The following CUX1 variants were observed in gnomAD, a reference collection of about 807,000 sequenced individuals.
CUX1 encodes protein CASP.
CUX1 carries 31 observed loss-of-function variants against 158.8 expected under a neutral mutation model. That is an observed-to-expected ratio of 0.20 (90% CI 0.15 to 0.26). The LOEUF (loss-of-function observed/expected upper bound fraction) is 0.26. Among genes scored for constraint, CUX1 ranks in the 10% least tolerant of loss-of-function variants. The pLI is 1.00. For missense variants in CUX1, 1,589 were observed against 2,014.6 expected (o/e 0.79, Z 4.04); for synonymous variants, 879 against 862.1 (o/e 1.02, Z -0.34).
At chr7:102,171,453 T>C (rs1445781168) in intron 10 of CUX1, among the ~76,000 whole-genome samples, 1 of 151,202 alleles carries the variant, frequency 6.6e-6, no homozygotes, top group Non-Finnish European at 1.5e-5. Context: ...TTTTTTTTTT[T>C]CTTTTTTTTT....
chr7:101,971,402 C>A (rs1811936925), intron 2 of CUX1, among the ~76,000 whole-genome samples: 1 of 152,180 alleles, frequency 6.6e-6, no homozygotes, highest in South Asian at 2.1e-4. Context: ...AATCCCAGCA[C>A]TTTGGGAGAC....
intron 5 of CUX1, 49 bp downstream of exon 5, chr7:102,097,550 C>G: frequency 6.5e-7 from 1 of 1,535,850 alleles, no homozygotes. Context: ...TTTTTTTTCT[C>G]TTCTTTTTAT....
At chr7:101,868,514 C>T (rs1423058775) in intron 1 of CUX1, among the ~76,000 whole-genome samples, 1 of 152,202 alleles carries the variant, frequency 6.6e-6, no homozygotes, top group Non-Finnish European at 1.5e-5. Flanking sequence ...ATCTTACACA[C>T]TGAGGACAGG....
chr7:102,052,615 G>T (rs895625511), intron 3 of CUX1, among the ~76,000 whole-genome samples: 2 of 152,142 alleles, frequency 1.3e-5, no homozygotes, highest in African/African-American at 4.8e-5. Flanking sequence ...ATATACATAA[G>T]TTTTTGTGCA....
At position 102,198,852 on chromosome 7, in the gene CUX1, A is replaced by C; in HGVS notation, c.1945A>C (p.Arg649=). 1.9e-6 allele frequency: 3 copies of C among 1,614,216 alleles called. No individual in the cohort carries two copies. The highest frequency in any genetic ancestry group is 2.5e-6 in the Non-Finnish European group (3 of 1,180,024). The part of the protein sequence containing the change: ...NRLFQEVPKR[R]NGSEGNITTR... ...ACTATTTCAGGAAGTACCGAAACGAAGAAATGGGTCTGAAGGTATGTTGCA... is the reference window on the plus strand; with the variant it reads ...ACTATTTCAGGAAGTACCGAAACGACGAAATGGGTCTGAAGGTATGTTGCA... The change falls in exon 16 of 24, where the codon AGA becomes CGA. Residue 649 remains arginine (R), a synonymous_variant. Transcript: ENST00000292535.
chr7:101,958,751 A>G (rs1453083485), intron 2 of CUX1, among the ~76,000 whole-genome samples: 1 of 145,722 alleles, frequency 6.9e-6, no homozygotes, highest in African/African-American at 2.5e-5. Flanking sequence ...AAGTGCTGGG[A>G]TTACAGGCAT....
In CUX1 at chr7:102,250,044, A is replaced by C. The variant is rs781788463; in HGVS notation, c.*1002A>C. The C allele has an allele frequency of 1.0e-5, 10 of 974,782 alleles. No homozygotes were observed. Among genetic ancestry groups the C allele is most frequent in the African/African-American group, 5.5e-5 (3 of 54,444 alleles). 60.4% of individuals were successfully genotyped at this position (974,782 alleles called of 1,614,324 possible). On this transcript the variant is annotated 3_prime_UTR_variant, in exon 24 of 24. Transcript: ENST00000292535. ...ACTCCATTCTAGGCCAAATCAGGAC[A>C]AAAAAAAGAAAAAAAAAGAAAAAAA... is the stretch of plus-strand genomic sequence containing the variant.
intron 2 of CUX1, among the ~76,000 whole-genome samples, chr7:101,989,078 A>G (rs530370673): frequency 6.6e-6 from 1 of 152,058 alleles, no homozygotes; most frequent in Non-Finnish European, 1.5e-5. Context: ...TCCTCATTCC[A>G]TCAGATTCTG....
intron 2 of CUX1, among the ~76,000 whole-genome samples, chr7:101,959,238 AGTGTGT>A (rs55733311): frequency 0.087 from 12,634 of 145,708 alleles, 1,511 homozygotes; most frequent in African/African-American, 0.27. Context: ...ATGTGTGTGC[AGTGTGT>A]GTGTGTGTGT....
chr7:102,077,066 A>T (rs980070435), intron 4 of CUX1, among the ~76,000 whole-genome samples: 1 of 151,686 alleles, frequency 6.6e-6, no homozygotes, highest in Non-Finnish European at 1.5e-5. Context: ...AAAAAAGAAG[A>T]AGAAAAAGTA....
intron 1 of CUX1, among the ~76,000 whole-genome samples, chr7:101,888,466 A>T (rs1800503498): frequency 6.6e-6 from 1 of 152,194 alleles, no homozygotes; most frequent in African/African-American, 2.4e-5. Context: ...ATCCCTCTTA[A>T]TACATTGGTT....
intron 13 of CUX1, among the ~76,000 whole-genome samples, chr7:102,194,554 C>T (rs1351217300): frequency 1.3e-5 from 2 of 151,596 alleles, no homozygotes; most frequent in East Asian, 1.9e-4. Context: ...GAGCTATGAT[C>T]GCACCACTGC....
intron 8 of CUX1, among the ~76,000 whole-genome samples, chr7:102,129,271 C>T (rs1832967292): frequency 6.6e-6 from 1 of 152,176 alleles, no homozygotes; most frequent in Non-Finnish European, 1.5e-5. Flanking sequence ...TCCTCAGGGA[C>T]CCTAAATTTT....
At position 102,123,329 on chromosome 7, in the gene CUX1, G is replaced by A. The variant is rs1299506097; in HGVS notation, c.674+8056G>A. On this transcript the variant is annotated intron_variant, in intron 8 of 23. Transcript: ENST00000292535. The stretch of plus-strand genomic sequence containing the variant: ...ATCAGTTTTTAAAAAATTTTTATCG[G>A]CCGGGCGCAGTGGCTCATGCCTGTA... Among the ~76,000 whole-genome samples, 8 of 151,994 alleles carry A rather than the reference G, an allele frequency of 5.3e-5. No homozygotes were observed. The East Asian group carries it at 1.6e-3, about 29-fold the overall frequency.
Position 102,227,286 on chromosome 7 carries a change from A to G in CUX1, c.3131-81A>G, listed in dbSNP as rs1360033090. The G allele has an allele frequency of 1.1e-5, 14 of 1,240,406 alleles. No homozygotes were observed. In the East Asian group the frequency reaches 3.0e-4, roughly 27 times the overall value. The allele number at this position is 1,240,406 out of a possible 1,614,324, so 76.8% of individuals were successfully genotyped here. ...TTCTCCTACAGAGCGTTTAATTAGT[A>G]TTTCCTAGATAAGGAACGTAGATGG... On this transcript the variant is annotated intron_variant, in intron 20 of 23. Transcript: ENST00000292535.
intron 3 of CUX1, among the ~76,000 whole-genome samples, chr7:102,050,842 A>T (rs570882292): frequency 6.6e-6 from 1 of 151,978 alleles, no homozygotes; most frequent in Non-Finnish European, 1.5e-5. Context: ...AGCTGGGACT[A>T]TGGGCACATG....
At chr7:102,258,331 C>A, downstream of CUX1, 2 of 332,898 alleles carry the variant, frequency 6.0e-6, no homozygotes, top group Non-Finnish European at 8.6e-6. Context: ...AATCGCCGTT[C>A]CCGAGGTCGT....
chr7:101,965,057 C>T (rs1421007519), intron 2 of CUX1, among the ~76,000 whole-genome samples: 1 of 152,214 alleles, frequency 6.6e-6, no homozygotes, highest in African/African-American at 2.4e-5. Flanking sequence ...AGCCTGACAA[C>T]CATGAACCTA....
intron 1 of CUX1, among the ~76,000 whole-genome samples, chr7:101,868,631 A>G (rs2131423991): frequency 6.6e-6 from 1 of 152,312 alleles, no homozygotes; most frequent in Non-Finnish European, 1.5e-5. Context: ...TTCACTTGGC[A>G]ATGAGACCTT....
Sources: gnomAD v4.1 joint callset for allele counts (sites outside exome capture counted in the v4.1 genomes callset) on GRCh38, gnomAD v4.1.1 for gene constraint, MANE v1.5 for transcripts, NCBI Gene and HGNC (gene_info 2026-07-23, HGNC 2026-07-21) for gene names.